COL25A1: variants seen among roughly 807,000 people sequenced by gnomAD.
COL25A1 encodes collagen alpha-1(XXV) chain.
COL25A1 carries 103 observed loss-of-function variants against 128.4 expected under a neutral mutation model. The observed-to-expected ratio is 0.80, with a 90% CI of 0.68 to 0.94. The LOEUF (loss-of-function observed/expected upper bound fraction) is 0.94. COL25A1 is among the 40% of genes least tolerant of loss of function. The probability of loss-of-function intolerance (pLI) is 0.00; values close to 1 mark genes in which losing one functional copy is unlikely to be tolerated. For missense variants in COL25A1, 745 were observed against 840.0 expected (o/e 0.89, Z 1.40); for synonymous variants, 279 against 277.2 (o/e 1.01, Z -0.06).
intron 19 of COL25A1, among the ~76,000 whole-genome samples, chr4:108,879,791 A>G (rs969630476): frequency 2.0e-5 from 3 of 150,306 alleles, no homozygotes; most frequent in East Asian, 2.0e-4. Context: ...CTGAAAATCT[A>G]TATTTATTTA....
intron 19 of COL25A1, among the ~76,000 whole-genome samples, chr4:108,877,752 C>T (rs1739634613): frequency 6.6e-6 from 1 of 151,914 alleles, no homozygotes; most frequent in South Asian, 2.1e-4. Context: ...TACAGAAAGG[C>T]AAGGCAAAGC....
chr4:109,160,678 G>A (rs1016442734), intron 3 of COL25A1, among the ~76,000 whole-genome samples: 10 of 152,142 alleles, frequency 6.6e-5, no homozygotes, highest in Non-Finnish European at 1.5e-4. Flanking sequence ...CAAACAGTCA[G>A]TGAGCCTGAG....
intron 3 of COL25A1, among the ~76,000 whole-genome samples, chr4:109,258,661 A>G (rs993857981): frequency 6.6e-6 from 1 of 152,208 alleles, no homozygotes; most frequent in Non-Finnish European, 1.5e-5. Flanking sequence ...AATGTTACTA[A>G]CAATAATAAT....
At chr4:109,133,314 A>C (rs1346669630) in intron 3 of COL25A1, among the ~76,000 whole-genome samples, 3 of 152,116 alleles carry the variant, frequency 2.0e-5, no homozygotes, top group African/African-American at 7.2e-5. Flanking sequence ...ACATTTTATG[A>C]AAACACTAGA....
At chr4:109,187,393 A>G (rs1775238545) in intron 3 of COL25A1, among the ~76,000 whole-genome samples, 1 of 152,212 alleles carries the variant, frequency 6.6e-6, no homozygotes, top group Non-Finnish European at 1.5e-5. Context: ...ATGGAGCCAC[A>G]CTGCCTGATT....
chr4:108,995,943 T>C (rs1754726265), intron 6 of COL25A1, among the ~76,000 whole-genome samples: 1 of 152,126 alleles, frequency 6.6e-6, no homozygotes, highest in Non-Finnish European at 1.5e-5. Context: ...CCACCAGGCC[T>C]GCCTTACAAA....
intron 8 of COL25A1, among the ~76,000 whole-genome samples, chr4:108,948,422 G>A (rs928396646): frequency 3.3e-5 from 5 of 152,054 alleles, no homozygotes; most frequent in African/African-American, 1.2e-4. Context: ...TTAGCCTTCT[G>A]TAGTTGAATA....
At chr4:109,141,596 C>T (rs1770411769) in intron 3 of COL25A1, among the ~76,000 whole-genome samples, 1 of 152,174 alleles carries the variant, frequency 6.6e-6, no homozygotes, top group African/African-American at 2.4e-5. Flanking sequence ...CTATTAATTA[C>T]TGCTTCAATT....
intron 3 of COL25A1, among the ~76,000 whole-genome samples, chr4:109,266,029 T>TG (rs1272888934): frequency 6.6e-6 from 1 of 152,046 alleles, no homozygotes; most frequent in Non-Finnish European, 1.5e-5. Context: ...AAAGTTTTTT[T>TG]TAAAACAGGT....
At chr4:109,184,256 T>C (rs1049289114) in intron 3 of COL25A1, among the ~76,000 whole-genome samples, 2 of 152,310 alleles carry the variant, frequency 1.3e-5, no homozygotes, top group Admixed American at 1.3e-4. Context: ...TTGGCATAGA[T>C]GAACTCTCAC....
chr4:108,951,322 C>A (rs766779634), intron 8 of COL25A1, among the ~76,000 whole-genome samples: 3 of 151,756 alleles, frequency 2.0e-5, no homozygotes, highest in Admixed American at 6.6e-5. Context: ...CATGATCCTT[C>A]AACTGCAGTT....
At chr4:108,814,317 C>T (rs13151888) in intron 37 of COL25A1, among the ~76,000 whole-genome samples, 1 of 151,928 alleles carries the variant, frequency 6.6e-6, no homozygotes, top group African/African-American at 2.4e-5. Context: ...ATCTTCTGCA[C>T]GCATTACAAT....
chr4:109,076,453 G>T (rs1763384128), intron 3 of COL25A1, among the ~76,000 whole-genome samples: 1 of 152,028 alleles, frequency 6.6e-6, no homozygotes, highest in Non-Finnish European at 1.5e-5. Context: ...GTGTTCTGCT[G>T]ATTCCTGAGA....
chr4:108,930,607 A>G (rs1186365538), intron 11 of COL25A1, among the ~76,000 whole-genome samples: 1 of 152,196 alleles, frequency 6.6e-6, no homozygotes, highest in East Asian at 1.9e-4. Flanking sequence ...AGTCTTATAA[A>G]GTTGAAGAAT....
intron 30 of COL25A1, among the ~76,000 whole-genome samples, chr4:108,844,318 A>T (rs1293293080): frequency 6.6e-6 from 1 of 152,194 alleles, no homozygotes; most frequent in Admixed American, 6.5e-5. Context: ...AAACTACTCT[A>T]TCTCTTCCCA....
intron 3 of COL25A1, among the ~76,000 whole-genome samples, chr4:109,092,981 A>T (rs772330547): frequency 3.3e-5 from 5 of 152,148 alleles, no homozygotes; most frequent in Admixed American, 1.3e-4. Context: ...AGAAAAAAAA[A>T]ATTTACCTCT....
chr4:108,910,378 T>C (rs1310073297), intron 13 of COL25A1, among the ~76,000 whole-genome samples: 1 of 152,218 alleles, frequency 6.6e-6, no homozygotes, highest in Non-Finnish European at 1.5e-5. Flanking sequence ...ATTGAGGTAT[T>C]AATGCCTCCA....
chr4:108,918,132 A>C (rs1745073265), intron 13 of COL25A1, 40 bp downstream of exon 13: 1 of 1,352,542 alleles, frequency 7.4e-7, no homozygotes, highest in South Asian at 1.4e-5. Flanking sequence ...TTCAATGCTC[A>C]CCAAATTATT....
chr4:109,062,773 CATT>C (rs1331882934), intron 3 of COL25A1, among the ~76,000 whole-genome samples: 1 of 152,136 alleles, frequency 6.6e-6, no homozygotes, highest in Non-Finnish European at 1.5e-5. Flanking sequence ...ATTAGACAAT[CATT>C]ATTAAGAAAT....
Sources: allele counts gnomAD v4.1 joint callset (sites outside exome capture counted in the v4.1 genomes callset), GRCh38; gene constraint gnomAD v4.1.1; transcripts MANE v1.5; gene names NCBI Gene and HGNC (gene_info 2026-07-23, HGNC 2026-07-21).